Variants in ITCH observed in about 807,000 individuals in gnomAD.
The protein encoded by ITCH is E3 ubiquitin-protein ligase Itchy homolog.
ITCH carries 28 observed loss-of-function variants against 126.8 expected under a neutral mutation model. That is an observed-to-expected ratio of 0.22 (90% CI 0.16 to 0.30). The LOEUF is 0.30. ITCH is among the 10% of genes least tolerant of loss of function. The pLI is 1.00. For missense variants in ITCH, 631 were observed against 1,032.4 expected (o/e 0.61, Z 5.33); for synonymous variants, 342 against 340.0 (o/e 1.01, Z -0.06).
chr20:34,365,067 GCAGGCGCCTGTGGTCC>G (rs2037367367), intron 1 of ITCH, among the ~76,000 whole-genome samples: 1 of 152,008 alleles, frequency 6.6e-6, no homozygotes, highest in South Asian at 2.1e-4. Flanking sequence ...GGGTGTGGTG[GCAGGCGCCTGTGGTCC>G]CAGATACTCA....
chr20:34,476,771 AAAG>A (rs1988269810), intron 16 of ITCH: 1 of 176,404 alleles, frequency 5.7e-6, no homozygotes, highest in Non-Finnish European at 1.2e-5. Flanking sequence ...ATCACTCAAT[AAAG>A]TATAGGCATT....
rs1483219242 is a variant in ITCH at position 34,363,315 on chromosome 20, TA to T, written c.-132del. 2 of 152,628 alleles carry T rather than the reference TA, an allele frequency of 1.3e-5. No homozygotes were observed. The highest frequency in any genetic ancestry group is 3.4e-3 in the Middle Eastern group (1 of 294). The allele number at this position is 152,628 out of a possible 1,614,324, so 9.5% of individuals were successfully genotyped here. ...CTCGGGACCGGCTGCCATCTTAGTC[TA>T]GGGACTGAGGAGTCGCCGCCGCCCC... On this transcript the variant is annotated 5_prime_UTR_variant, in exon 1 of 25. Coordinates refer to ENST00000374864, the MANE Select transcript of ITCH (RefSeq NM_031483.7).
intron 2 of ITCH, among the ~76,000 whole-genome samples, chr20:34,374,909 T>C (rs568386102): frequency 8.8e-4 from 128 of 145,474 alleles, no homozygotes; most frequent in African/African-American, 3.0e-3. Context: ...CTGGCTAATT[T>C]TTTGTATTTT....
intron 1 of ITCH, 130 bp from the exon 2 acceptor site, chr20:34,369,264 C>G (rs1360170962): frequency 2.7e-6 from 1 of 374,056 alleles, no homozygotes; most frequent in Non-Finnish European, 4.7e-6. Flanking sequence ...ACCCAGGAGG[C>G]GAAGGTTGGA....
chr20:34,415,410 T>A (rs1979686787), intron 6 of ITCH, among the ~76,000 whole-genome samples: 1 of 151,168 alleles, frequency 6.6e-6, no homozygotes, highest in Non-Finnish European at 1.5e-5. Context: ...AATAAAAAAA[T>A]TTGCCATGTG....
chr20:34,441,427 T>TTTTG (rs759960091), intron 9 of ITCH, among the ~76,000 whole-genome samples: 4 of 152,074 alleles, frequency 2.6e-5, no homozygotes, highest in African/African-American at 7.2e-5. Flanking sequence ...CTTGTTTATT[T>TTTTG]TTTGTTTGTT....
chr20:34,508,106 G>A lies in ITCH; in HGVS notation c.*312G>A. 1 of 343,336 alleles carries A rather than the reference G, an allele frequency of 2.9e-6. No individual in the cohort carries two copies. Among genetic ancestry groups the A allele is most frequent in the Non-Finnish European group, 5.6e-6 (1 of 177,120 alleles). 21.3% of individuals were successfully genotyped at this position (343,336 alleles called of 1,614,324 possible). ...TTTATGTGTGTCAAAAGTCTCACTTGGGAGTAGTGTTTTTTTCTTTTAGAC... is the reference window on the plus strand; with the variant it reads ...TTTATGTGTGTCAAAAGTCTCACTTAGGAGTAGTGTTTTTTTCTTTTAGAC... On this transcript the variant is annotated 3_prime_UTR_variant, in exon 25 of 25. Coordinates refer to ENST00000374864, the MANE Select transcript of ITCH (RefSeq NM_031483.7).
rs549544423 is a variant in ITCH at position 34,459,805 on chromosome 20, A to G, written c.1296-2288A>G. On this transcript the variant is annotated intron_variant, in intron 13 of 24. Transcript: ENST00000374864. ...CTTAAAATAGTTTTTTCTGCCTACC[A>G]ACAAATGACCATTTTCTTTTTAAAT... Among the ~76,000 whole-genome samples, 6 of 152,316 alleles carry G rather than the reference A, an allele frequency of 3.9e-5. No homozygotes were observed. In the South Asian group the frequency reaches 1.0e-3, roughly 26 times the overall value.
chr20:34,365,861 A>G (rs2037402835), intron 1 of ITCH, among the ~76,000 whole-genome samples: 1 of 152,332 alleles, frequency 6.6e-6, no homozygotes, highest in Admixed American at 6.5e-5. Context: ...GCTTCAACCA[A>G]TTTATTTTTA....
intron 10 of ITCH, among the ~76,000 whole-genome samples, chr20:34,444,171 G>T (rs889068029): frequency 1.3e-5 from 2 of 152,130 alleles, no homozygotes; most frequent in African/African-American, 4.8e-5. Flanking sequence ...GGTAGAAATC[G>T]TGAAGTCATT....
intron 14 of ITCH, chr20:34,466,190 C>T (rs1442510657): frequency 1.8e-5 from 5 of 271,268 alleles, no homozygotes; most frequent in South Asian, 3.7e-5. Flanking sequence ...ATTTTTTCCC[C>T]CCCTCATTCT....
At position 34,481,102 on chromosome 20, in the gene ITCH, C is replaced by T; in HGVS notation, c.1989C>T (p.Tyr663=). The change falls in exon 20 of 25, where the codon TAC becomes TAT. Residue 663 remains tyrosine, a synonymous_variant. Coordinates refer to ENST00000374864, the MANE Select transcript of ITCH (RefSeq NM_031483.7). The part of the protein sequence containing the change: ...NNIEECDLEM[Y]FSVDKEILGE... ...TTGAGGAATGTGATTTGGAAATGTACTTCTCCGTTGACAAAGAAATTCTAG... is the reference window on the plus strand; with the variant it reads ...TTGAGGAATGTGATTTGGAAATGTATTTCTCCGTTGACAAAGAAATTCTAG... 1.2e-6 allele frequency: 2 copies of T among 1,613,466 alleles called. No individual in the cohort carries two copies. Among genetic ancestry groups the T allele is most frequent in the Non-Finnish European group, 1.7e-6 (2 of 1,179,596 alleles).
chr20:34,470,508 C>T (rs1987520266), intron 15 of ITCH, among the ~76,000 whole-genome samples: 1 of 151,922 alleles, frequency 6.6e-6, no homozygotes, highest in Non-Finnish European at 1.5e-5. Flanking sequence ...ACTTTTTCCT[C>T]AGTAGCCATT....
rs1285313442 is a variant in ITCH, at chr20:34,443,334, A to AC, written c.965+1035dup. 2.0e-5 allele frequency among the ~76,000 whole-genome samples: 3 copies of AC among 151,646 alleles called. No homozygotes were observed. The East Asian group carries it at 5.8e-4, about 29-fold the overall frequency. ...AGACCATCCTAGCCAACATGTTGAA[A>AC]CCCCGTCTCTACTAAAAATACAAAA... On this transcript the variant is annotated intron_variant, in intron 10 of 24. Coordinates refer to ENST00000374864, the MANE Select transcript of ITCH (RefSeq NM_031483.7).
chr20:34,417,754 A>C (rs774735013), intron 6 of ITCH, among the ~76,000 whole-genome samples: 7 of 144,190 alleles, frequency 4.9e-5, no homozygotes, highest in Non-Finnish European at 9.0e-5. Context: ...TATAGCCCAC[A>C]GATCTGAAGT....
At position 34,456,184 on chromosome 20, in the gene ITCH, G is replaced by GTA. The variant is rs1326551793; in HGVS notation, c.1211-1176_1211-1175dup. On this transcript the variant is annotated intron_variant, in intron 12 of 24. Coordinates refer to ENST00000374864, the MANE Select transcript of ITCH (RefSeq NM_031483.7). ...TGTGTGTGTGTGTGTGTGTGTGTGT[G>GTA]TATATATATATATATATATATATAT... 4.6e-3 allele frequency among the ~76,000 whole-genome samples: 217 copies of GTA among 47,220 alleles called. 2 individuals carry two copies. Among genetic ancestry groups the GTA allele is most frequent in the African/African-American group, 5.7e-3 (44 of 7,738 alleles). 31.0% of individuals were successfully genotyped at this position (47,220 alleles called of 152,430 possible). A position where few individuals can be genotyped will look rare whatever the true frequency, so the allele number is the denominator to read the frequency against.
chr20:34,503,865 T>TTG (rs1569012589), intron 23 of ITCH, among the ~76,000 whole-genome samples: 5 of 104,032 alleles, frequency 4.8e-5, no homozygotes, highest in East Asian at 2.4e-4. Flanking sequence ...TTTTTTTTTT[T>TTG]TTTGGTTTTT....
chr20:34,499,394 T>C (rs1026045269), intron 23 of ITCH, among the ~76,000 whole-genome samples: 8 of 151,060 alleles, frequency 5.3e-5, no homozygotes, highest in Admixed American at 1.3e-4. Flanking sequence ...AATTGATCTT[T>C]TCAGCTTTTC....
intron 2 of ITCH, among the ~76,000 whole-genome samples, chr20:34,376,434 T>C (rs2037848480): frequency 6.6e-6 from 1 of 151,256 alleles, no homozygotes; most frequent in African/African-American, 2.4e-5. Context: ...GGCAACAGAG[T>C]GTGACCGTGT....
Sources: allele counts gnomAD v4.1 joint callset (sites outside exome capture counted in the v4.1 genomes callset), GRCh38; gene constraint gnomAD v4.1.1; transcripts MANE v1.5; gene names NCBI Gene and HGNC (gene_info 2026-07-23, HGNC 2026-07-21).